The following DTD1 variants were observed in gnomAD, a reference collection of about 807,000 sequenced individuals.
DTD1 encodes the protein D-aminoacyl-tRNA deacylase 1.
DTD1 carries 13 observed loss-of-function variants against 25.6 expected under a neutral mutation model. The observed-to-expected ratio is 0.51, with a 90% CI of 0.33 to 0.81. The LOEUF (loss-of-function observed/expected upper bound fraction) is 0.81. Among genes scored for constraint, DTD1 ranks in the 30% least tolerant of loss-of-function variants. DTD1 has a pLI of 0.02. For synonymous variants in DTD1, 110 were observed against 103.6 expected (o/e 1.06, Z -0.37); for missense variants, 193 against 266.4 (o/e 0.72, Z 1.92).
chr20:18,596,142 C>G lies in DTD1; in HGVS notation c.271C>G (p.Pro91Ala). The G allele has an allele frequency of 3.7e-6, 6 of 1,614,148 alleles. No homozygotes were observed. The highest frequency in any genetic ancestry group is 5.1e-6 in the Non-Finnish European group (6 of 1,180,024). ...TLQCVLKGNK[P>A]DFHLAMPTEQ... ...CCAGTGTGTCCTGAAGGGAAACAAG[C>G]CTGATTTCCACCTAGCAATGCCCAC... Residue 91 changes from proline to alanine, a missense_variant, in exon 3 of 6, where the codon CCT becomes GCT. By Grantham distance (27) the Pro-to-Ala change is conservative. Coordinates refer to ENST00000377452, the MANE Select transcript of DTD1 (RefSeq NM_080820.6).
intron 4 of DTD1, chr20:18,643,211 A>G (rs1458749112): frequency 3.7e-6 from 1 of 270,656 alleles, no homozygotes; most frequent in Non-Finnish European, 7.6e-6. Flanking sequence ...CACTATGCCC[A>G]GCCTGGAGCA....
chr20:18,658,449 A>G (rs1418672716), intron 4 of DTD1, among the ~76,000 whole-genome samples: 1 of 151,408 alleles, frequency 6.6e-6, no homozygotes, highest in East Asian at 1.9e-4. Flanking sequence ...CCTCAGCCTC[A>G]TGATATTTGT....
At position 18,694,529 on chromosome 20, in the gene DTD1, A is replaced by G. The variant is rs147484451; in HGVS notation, c.478-49571A>G. 1.2e-3 allele frequency among the ~76,000 whole-genome samples: 181 copies of G among 152,316 alleles called. 1 individual carries two copies. The highest frequency in any genetic ancestry group is 3.4e-3 in the Middle Eastern group (1 of 294). On this transcript the variant is annotated intron_variant, in intron 4 of 5. Coordinates refer to ENST00000377452, the MANE Select transcript of DTD1 (RefSeq NM_080820.6). ...CACCATTTAATACATTGAGGCTATT[A>G]TTACGGTAACCTTTCATACTATAAA...
intron 4 of DTD1, among the ~76,000 whole-genome samples, chr20:18,652,634 C>T (rs550545879): frequency 6.6e-6 from 1 of 152,258 alleles, no homozygotes; most frequent in African/African-American, 2.4e-5. Context: ...GTCTGGCACC[C>T]ATAAGCGGAC....
chr20:18,601,317 TG>T (rs888196564), intron 3 of DTD1, among the ~76,000 whole-genome samples: 1 of 152,020 alleles, frequency 6.6e-6, no homozygotes, highest in Non-Finnish European at 1.5e-5. Flanking sequence ...CTGGGCAACA[TG>T]GGAAACCCAA....
intron 4 of DTD1, among the ~76,000 whole-genome samples, chr20:18,656,935 A>G (rs1446197204): frequency 6.6e-6 from 1 of 152,206 alleles, no homozygotes; most frequent in Non-Finnish European, 1.5e-5. Context: ...TTTAATTTTG[A>G]AATAATTTGT....
At chr20:18,698,113 T>C (rs2061086747) in intron 4 of DTD1, among the ~76,000 whole-genome samples, 1 of 151,996 alleles carries the variant, frequency 6.6e-6, no homozygotes, top group African/African-American at 2.4e-5. Flanking sequence ...TCAGTAAAAC[T>C]TTAGCAAATC....
At chr20:18,600,626 G>A (rs1210926916) in intron 3 of DTD1, among the ~76,000 whole-genome samples, 1 of 152,084 alleles carries the variant, frequency 6.6e-6, no homozygotes, top group Admixed American at 6.6e-5. Flanking sequence ...TCAGTTTGTT[G>A]ATATCTGCAA....
intron 5 of DTD1, among the ~76,000 whole-genome samples, chr20:18,760,507 C>G (rs1038568349): frequency 6.6e-6 from 1 of 152,162 alleles, no homozygotes; most frequent in Non-Finnish European, 1.5e-5. Flanking sequence ...CCACTCCAGA[C>G]CCTGTTTGCC....
chr20:18,758,769 G>A lies in DTD1; in HGVS notation c.*20-4591G>A, dbSNP rs142285754. Among the ~76,000 whole-genome samples the A allele has an allele frequency of 4.6e-3, 704 of 152,328 alleles. 4 individuals are homozygous for A. The highest frequency in any genetic ancestry group is 0.015 in the African/African-American group (640 of 41,558). On this transcript the variant is annotated intron_variant, in intron 5 of 5. Transcript: ENST00000377452. ...CTGTTGATTTGGGGTGGAGAGTTCTGTAGATGTCTATTAGGTCCACTTGGT... is the reference window on the plus strand; with the variant it reads ...CTGTTGATTTGGGGTGGAGAGTTCTATAGATGTCTATTAGGTCCACTTGGT...
intron 4 of DTD1, among the ~76,000 whole-genome samples, chr20:18,686,648 G>C (rs1600368267): frequency 9.5e-6 from 1 of 105,758 alleles, no homozygotes; most frequent in East Asian, 2.9e-4. Context: ...TTTATTAGCT[G>C]TGTGTGTGTG....
chr20:18,686,578 G>A (rs1333893493), intron 4 of DTD1, among the ~76,000 whole-genome samples: 3 of 152,038 alleles, frequency 2.0e-5, no homozygotes, highest in African/African-American at 7.3e-5. Flanking sequence ...GGTGATAAGT[G>A]ATCCAGCTGG....
intron 4 of DTD1, among the ~76,000 whole-genome samples, chr20:18,686,541 G>A (rs986474202): frequency 6.6e-6 from 1 of 152,076 alleles, no homozygotes; most frequent in Non-Finnish European, 1.5e-5. Context: ...TATTGTATAT[G>A]CTTTAAAAAT....
intron 5 of DTD1, among the ~76,000 whole-genome samples, chr20:18,752,003 CCTCT>C (rs771529624): frequency 2.0e-5 from 3 of 151,324 alleles, no homozygotes; most frequent in Middle Eastern, 6.8e-3. Flanking sequence ...AATTTTTATT[CCTCT>C]CTCTCCTTGT....
intron 4 of DTD1, among the ~76,000 whole-genome samples, chr20:18,703,384 T>C (rs1297346627): frequency 6.6e-6 from 1 of 152,160 alleles, no homozygotes; most frequent in Non-Finnish European, 1.5e-5. Context: ...TTTCTGGTAA[T>C]CTAGGTTTCT....
intron 4 of DTD1, among the ~76,000 whole-genome samples, chr20:18,691,065 A>G (rs1227140552): frequency 1.3e-5 from 2 of 152,220 alleles, no homozygotes; most frequent in Non-Finnish European, 2.9e-5. Flanking sequence ...ACAATGAGAT[A>G]CCATCTCACA....
At chr20:18,676,583 G>T (rs1445160506) in intron 4 of DTD1, among the ~76,000 whole-genome samples, 1 of 152,140 alleles carries the variant, frequency 6.6e-6, no homozygotes. Flanking sequence ...ACGGTTGTAT[G>T]TTTGAACCTT....
intron 5 of DTD1, among the ~76,000 whole-genome samples, chr20:18,755,213 GC>G (rs1436550088): frequency 6.6e-6 from 1 of 152,044 alleles, no homozygotes; most frequent in Non-Finnish European, 1.5e-5. Context: ...TATCAAAAAT[GC>G]CAAAATACCC....
intron 3 of DTD1, among the ~76,000 whole-genome samples, chr20:18,612,938 C>T (rs1272345361): frequency 2.0e-5 from 3 of 152,092 alleles, no homozygotes; most frequent in Non-Finnish European, 2.9e-5. Flanking sequence ...GGATTACAGG[C>T]GTGAGCCACT....
Sources: gnomAD v4.1 joint callset for allele counts (sites outside exome capture counted in the v4.1 genomes callset) on GRCh38, gnomAD v4.1.1 for gene constraint, MANE v1.5 for transcripts, NCBI Gene and HGNC (gene_info 2026-07-23, HGNC 2026-07-21) for gene names.